The following SLC4A4 variants were observed in gnomAD, a reference collection of about 807,000 sequenced individuals.
SLC4A4 encodes solute carrier family 4 member 4.
A neutral mutation model predicts 111.5 loss-of-function variants in SLC4A4; 27 were observed. That is an observed-to-expected ratio of 0.24 (90% CI 0.18 to 0.33). SLC4A4 has a LOEUF of 0.33. Ranked by LOEUF, SLC4A4 falls within the 10% of genes least tolerant of loss-of-function variation. The pLI is 1.00. For missense variants in SLC4A4, 909 were observed against 1,315.5 expected (o/e 0.69, Z 4.78); for synonymous variants, 443 against 463.4 (o/e 0.96, Z 0.57).
At chr4:71,375,814 A>G (rs1350906064) in intron 6 of SLC4A4, among the ~76,000 whole-genome samples, 1 of 152,028 alleles carries the variant, frequency 6.6e-6, no homozygotes, top group East Asian at 1.9e-4. Context: ...ATTGTTGTCT[A>G]TATAGCTGCT....
At chr4:71,371,798 A>T (rs1731913571) in intron 6 of SLC4A4, among the ~76,000 whole-genome samples, 1 of 152,102 alleles carries the variant, frequency 6.6e-6, no homozygotes. Flanking sequence ...TCTGTATCTC[A>T]TGCTTTTGTG....
At chr4:71,398,634 A>G (rs1319727418) in intron 7 of SLC4A4, among the ~76,000 whole-genome samples, 1 of 152,212 alleles carries the variant, frequency 6.6e-6, no homozygotes, top group Admixed American at 6.5e-5. Context: ...TAGAAATCCT[A>G]AGACTGTTTC....
intron 14 of SLC4A4, among the ~76,000 whole-genome samples, chr4:71,475,848 G>T (rs1207163925): frequency 6.6e-6 from 1 of 151,822 alleles, no homozygotes; most frequent in Non-Finnish European, 1.5e-5. Flanking sequence ...ACTGTTAGCT[G>T]CCATTATTAT....
At chr4:71,216,123 G>C (rs1285656054) in intron 1 of SLC4A4, among the ~76,000 whole-genome samples, 1 of 151,890 alleles carries the variant, frequency 6.6e-6, no homozygotes, top group Non-Finnish European at 1.5e-5. Context: ...TGGCCATGCT[G>C]GTCTCGAACT....
intron 16 of SLC4A4, among the ~76,000 whole-genome samples, chr4:71,521,936 G>T (rs1732970478): frequency 6.6e-6 from 1 of 151,990 alleles, no homozygotes; most frequent in South Asian, 2.1e-4. Context: ...CATTACCTTT[G>T]CTGAGGCCCA....
intron 2 of SLC4A4, among the ~76,000 whole-genome samples, chr4:71,244,111 A>G (rs1284153952): frequency 6.6e-6 from 1 of 152,202 alleles, no homozygotes; most frequent in Non-Finnish European, 1.5e-5. Flanking sequence ...AAAATAAAGA[A>G]AATGTCTTCA....
intron 1 of SLC4A4, among the ~76,000 whole-genome samples, chr4:71,081,828 T>A (rs1742001516): frequency 6.6e-6 from 1 of 152,048 alleles, no homozygotes; most frequent in Non-Finnish European, 1.5e-5. Flanking sequence ...AAAAATAGAA[T>A]GTTTGTTTCT....
At chr4:71,552,925 G>A (rs1736159213) in intron 20 of SLC4A4, among the ~76,000 whole-genome samples, 2 of 151,634 alleles carry the variant, frequency 1.3e-5, no homozygotes, top group African/African-American at 4.8e-5. Flanking sequence ...TTCCTCCTTT[G>A]AGAAATTTCT....
intron 6 of SLC4A4, among the ~76,000 whole-genome samples, chr4:71,374,997 T>C (rs1732220753): frequency 6.6e-6 from 1 of 152,230 alleles, no homozygotes. Context: ...ACTTTGATTA[T>C]ACCTCCAGTA....
At chr4:71,088,938 T>C (rs1742287004) in intron 1 of SLC4A4, among the ~76,000 whole-genome samples, 2 of 152,028 alleles carry the variant, frequency 1.3e-5, no homozygotes, top group South Asian at 4.1e-4. Context: ...TTTCCTGAAT[T>C]TGAATGTTGA....
intron 6 of SLC4A4, among the ~76,000 whole-genome samples, chr4:71,392,555 G>A (rs928688513): frequency 2.0e-5 from 3 of 152,024 alleles, no homozygotes; most frequent in African/African-American, 4.8e-5. Flanking sequence ...CACACTCCCC[G>A]CTCATATCCA....
intron 6 of SLC4A4, among the ~76,000 whole-genome samples, chr4:71,377,240 G>T (rs938310640): frequency 3.2e-4 from 48 of 152,214 alleles, no homozygotes; most frequent in African/African-American, 1.1e-3. Context: ...CTGGCAGAAT[G>T]CCTTATACAT....
At chr4:71,319,002 G>T (rs962636814) in intron 3 of SLC4A4, among the ~76,000 whole-genome samples, 3 of 151,842 alleles carry the variant, frequency 2.0e-5, no homozygotes, top group Admixed American at 2.0e-4. Context: ...TTTGGGTGCA[G>T]CTCAGAGATA....
chr4:71,230,981 G>A (rs180969229), intron 1 of SLC4A4, among the ~76,000 whole-genome samples: 2 of 152,310 alleles, frequency 1.3e-5, no homozygotes, highest in East Asian at 1.9e-4. Flanking sequence ...GCATCCTTTG[G>A]CAAAAGCTTG....
intron 24 of SLC4A4, among the ~76,000 whole-genome samples, chr4:71,564,932 G>T (rs1737323923): frequency 6.6e-6 from 1 of 151,732 alleles, no homozygotes; most frequent in Non-Finnish European, 1.5e-5. Context: ...AGCTGATTTT[G>T]GTTCTGGCTC....
intron 7 of SLC4A4, among the ~76,000 whole-genome samples, chr4:71,402,973 T>G (rs888399187): frequency 3.9e-5 from 6 of 152,224 alleles, no homozygotes; most frequent in Non-Finnish European, 7.4e-5. Context: ...ATTAGTAGGG[T>G]TTGAGAAGCA....
chr4:71,178,482 G>T (rs537855188), intron 2 of SLC4A4, among the ~76,000 whole-genome samples: 101 of 152,152 alleles, frequency 6.6e-4, no homozygotes, highest in African/African-American at 2.4e-3. Flanking sequence ...GAAGAAAAGA[G>T]AGAAGAATCA....
upstream of SLC4A4, among the ~76,000 whole-genome samples, chr4:71,184,066 G>A (rs1276919015): frequency 1.3e-5 from 2 of 152,086 alleles, no homozygotes; most frequent in African/African-American, 4.8e-5. Context: ...GTGCTTTACA[G>A]ACAACATATG....
chr4:71,241,075 T>C (rs551038322), intron 2 of SLC4A4, among the ~76,000 whole-genome samples: 1 of 152,112 alleles, frequency 6.6e-6, no homozygotes, highest in African/African-American at 2.4e-5. Context: ...ACTGTGATTG[T>C]GTCACTGCAC....
Sources: allele counts gnomAD v4.1 joint callset (sites outside exome capture counted in the v4.1 genomes callset), GRCh38; gene constraint gnomAD v4.1.1; transcripts MANE v1.5; gene names NCBI Gene and HGNC (gene_info 2026-07-23, HGNC 2026-07-21).